Variants in SGCD observed in about 807,000 individuals in gnomAD.
SGCD encodes delta-sarcoglycan.
A neutral mutation model predicts 36.6 loss-of-function variants in SGCD; 18 were observed. That is an observed-to-expected ratio of 0.49 (90% confidence interval 0.34 to 0.73). The LOEUF is 0.73. Among genes scored for constraint, SGCD ranks in the 30% least tolerant of loss-of-function variants. SGCD has a pLI of 0.01. For missense variants in SGCD, 387 were observed against 346.7 expected, an observed-to-expected ratio of 1.12 and a Z score of -0.92; for synonymous variants, 133 against 130.6, an observed-to-expected ratio of 1.02 and a Z score of -0.12.
chr5:155,777,420 A>G, the SGCD span, among the ~76,000 whole-genome samples: 1 of 150,634 alleles, frequency 6.6e-6, no homozygotes, highest in Non-Finnish European at 1.5e-5. Flanking sequence ...ACAGTGGCAC[A>G]GTTATTGTTC....
At chr5:155,902,364 G>C (rs1756410092) in intron 1 of SGCD, among the ~76,000 whole-genome samples, 1 of 152,096 alleles carries the variant, frequency 6.6e-6, no homozygotes, top group Non-Finnish European at 1.5e-5. Context: ...TGTTAATGAT[G>C]TTCCCTCTTT....
chr5:156,231,328 A>C (rs1765008972), intron 3 of SGCD, among the ~76,000 whole-genome samples: 1 of 152,120 alleles, frequency 6.6e-6, no homozygotes, highest in African/African-American at 2.4e-5. Flanking sequence ...TGAGGCCAGA[A>C]GTTCGCAAGA....
intron 1 of SGCD, among the ~76,000 whole-genome samples, chr5:155,870,930 C>G (rs562797659): frequency 2.0e-5 from 3 of 152,114 alleles, no homozygotes; most frequent in African/African-American, 7.2e-5. Flanking sequence ...ACAATTGTTA[C>G]TTTCAAAGCA....
the SGCD span, among the ~76,000 whole-genome samples, chr5:155,806,494 T>G: frequency 0.044 from 6,712 of 152,186 alleles, 320 homozygotes; most frequent in African/African-American, 0.12. Context: ...CTCTTTAGAG[T>G]GATGTTATGT....
intron 1 of SGCD, among the ~76,000 whole-genome samples, chr5:156,005,811 C>T (rs141955745): frequency 1.7e-3 from 258 of 152,282 alleles, no homozygotes; most frequent in African/African-American, 5.8e-3. Flanking sequence ...TTCATGCTCA[C>T]TCAGTCTCTT....
intron 4 of SGCD, among the ~76,000 whole-genome samples, chr5:156,533,112 C>A (rs1581127753): frequency 6.6e-6 from 1 of 152,128 alleles, no homozygotes; most frequent in Non-Finnish European, 1.5e-5. Context: ...AGGACGCTTG[C>A]CAGTTTCATG....
intron 1 of SGCD, among the ~76,000 whole-genome samples, chr5:155,981,773 C>T (rs183571632): frequency 2.1e-3 from 322 of 152,272 alleles, no homozygotes; most frequent in Non-Finnish European, 3.7e-3. Flanking sequence ...GGGGGCCCTC[C>T]ACAAGCCTCT....
chr5:155,828,225 TATGTAC>T, the SGCD span, among the ~76,000 whole-genome samples: 17 of 152,174 alleles, frequency 1.1e-4, no homozygotes, highest in Admixed American at 5.9e-4. Flanking sequence ...TCAGGCATTT[TATGTAC>T]ATGATGGTCA....
At chr5:156,467,487 A>G (rs17053572) in intron 3 of SGCD, among the ~76,000 whole-genome samples, 5,519 of 152,290 alleles carry the variant, frequency 0.036, 144 homozygotes, top group South Asian at 0.082. Context: ...AAACACCTGT[A>G]TGGAAAAATA....
At chr5:156,496,000 G>GT (rs2127855671) in intron 3 of SGCD, among the ~76,000 whole-genome samples, 1 of 152,248 alleles carries the variant, frequency 6.6e-6, no homozygotes, top group Non-Finnish European at 1.5e-5. Context: ...ATTTGCAAGA[G>GT]TTTTTCCAAG....
At chr5:156,239,993 A>T (rs930951071) in intron 3 of SGCD, among the ~76,000 whole-genome samples, 1 of 152,184 alleles carries the variant, frequency 6.6e-6, no homozygotes, top group Non-Finnish European at 1.5e-5. Flanking sequence ...CAAAGTCCCA[A>T]ATAGGTAACT....
chr5:155,975,389 T>A (rs1758090645), intron 1 of SGCD, among the ~76,000 whole-genome samples: 1 of 152,072 alleles, frequency 6.6e-6, no homozygotes, highest in Non-Finnish European at 1.5e-5. Context: ...AGGGGGCTAC[T>A]GGGTTAAACA....
At chr5:155,747,207 A>G in the SGCD span, among the ~76,000 whole-genome samples, 3 of 152,246 alleles carry the variant, frequency 2.0e-5, no homozygotes, top group Non-Finnish European at 2.9e-5. Flanking sequence ...AAGGAAAGAA[A>G]TTTAAACAAA....
At chr5:156,689,709 C>T (rs1045757161) in intron 7 of SGCD, among the ~76,000 whole-genome samples, 5 of 152,098 alleles carry the variant, frequency 3.3e-5, no homozygotes, top group Non-Finnish European at 7.4e-5. Flanking sequence ...CAGGGCTGTT[C>T]TGACTTGACA....
chr5:155,921,010 A>G (rs568063456), intron 1 of SGCD, among the ~76,000 whole-genome samples: 155 of 152,282 alleles, frequency 1.0e-3, no homozygotes, highest in African/African-American at 2.9e-3. Context: ...AACAGTGAAA[A>G]GAGAAGATGG....
intron 3 of SGCD, among the ~76,000 whole-genome samples, chr5:156,262,097 A>G (rs1765883747): frequency 6.6e-6 from 1 of 152,138 alleles, no homozygotes; most frequent in African/African-American, 2.4e-5. Context: ...AGCATAGTCT[A>G]AGTGTCCAGT....
chr5:156,588,988 T>TTGTGTGTGTGTG lies in SGCD; in HGVS notation c.295-218_295-207dup, dbSNP rs113243314. On this transcript the variant is annotated intron_variant, in intron 4 of 8. Transcript: ENST00000337851. Reference sequence around the variant, plus strand: ...TGTGTGTGTTCTGGGGGAATCTATATTGTGTGTGTGTGTGTGTGTGTGTGT... The same window carrying TTGTGTGTGTGTG: ...TGTGTGTGTTCTGGGGGAATCTATATTGTGTGTGTGTGTGTGTGTGTGTGTGTGTGTGTGTGT... Among the ~76,000 whole-genome samples, 6,556 of 143,042 alleles carry TTGTGTGTGTGTG rather than the reference T, an allele frequency of 0.046. 259 individuals are homozygous for TTGTGTGTGTGTG. Among genetic ancestry groups the TTGTGTGTGTGTG allele is most frequent in the African/African-American group, 0.098 (3,769 of 38,454 alleles). 93.8% of individuals were successfully genotyped at this position (143,042 alleles called of 152,430 possible). A position where few individuals can be genotyped will look rare whatever the true frequency, so the allele number is the denominator to read the frequency against.
chr5:156,501,020 C>T lies in SGCD; in HGVS notation c.193-7581C>T, dbSNP rs149664226. 2.1e-3 allele frequency among the ~76,000 whole-genome samples: 323 copies of T among 152,264 alleles called. 1 individual carries two copies. Among genetic ancestry groups the T allele is most frequent in the African/African-American group, 6.2e-3 (258 of 41,554 alleles). The stretch of plus-strand genomic sequence containing the variant: ...GAGAGAATGGCCACCTACATGATCC[C>T]TGGAGGTCCAAATGTTCTGCCTCTC... On this transcript the variant is annotated intron_variant, in intron 3 of 8. Coordinates refer to ENST00000337851, the MANE Select transcript of SGCD (RefSeq NM_000337.6).
At chr5:156,250,954 GGAAA>G (rs1160102805) in intron 3 of SGCD, among the ~76,000 whole-genome samples, 1 of 152,054 alleles carries the variant, frequency 6.6e-6, no homozygotes, top group African/African-American at 2.4e-5. Context: ...GCATTGCTCT[GGAAA>G]GAGTTTAATG....
Sources: gnomAD v4.1 joint callset for allele counts (sites outside exome capture counted in the v4.1 genomes callset) on GRCh38, gnomAD v4.1.1 for gene constraint, MANE v1.5 for transcripts, NCBI Gene and HGNC (gene_info 2026-07-23, HGNC 2026-07-21) for gene names.